The following KALRN variants were observed in gnomAD, a reference collection of about 807,000 sequenced individuals.
KALRN encodes the protein kalirin RhoGEF kinase.
KALRN carries 70 observed loss-of-function variants against 353.7 expected under a neutral mutation model. The ratio of observed to expected loss-of-function variants is 0.20; its 90% confidence interval spans 0.16 to 0.24. KALRN has a LOEUF of 0.24. Among genes scored for constraint, KALRN ranks in the 10% least tolerant of loss-of-function variants. KALRN has a pLI of 1.00. For synonymous variants in KALRN, 1,391 were observed against 1,434.8 expected (o/e 0.97, Z 0.69); for missense variants, 2,791 against 3,756.7 (o/e 0.74, Z 6.72).
intron 5 of KALRN, among the ~76,000 whole-genome samples, chr3:124,282,124 G>A (rs1462866237): frequency 1.3e-5 from 2 of 152,124 alleles, no homozygotes; most frequent in African/African-American, 4.8e-5. Context: ...GACACTCAAG[G>A]GAAGAAAATG....
At chr3:124,585,572 C>T (rs2075089467) in intron 34 of KALRN, among the ~76,000 whole-genome samples, 1 of 152,046 alleles carries the variant, frequency 6.6e-6, no homozygotes, top group African/African-American at 2.4e-5. Flanking sequence ...AACCAATTTC[C>T]CCCAAAGCAG....
At chr3:124,281,296 T>C (rs1429821023) in intron 5 of KALRN, among the ~76,000 whole-genome samples, 1 of 152,240 alleles carries the variant, frequency 6.6e-6, no homozygotes, top group African/African-American at 2.4e-5. Context: ...ATATGCGTTC[T>C]GGTGGAGAGA....
chr3:124,630,460 G>C (rs562145602), intron 34 of KALRN, among the ~76,000 whole-genome samples: 5 of 152,052 alleles, frequency 3.3e-5, no homozygotes, highest in Non-Finnish European at 7.4e-5. Flanking sequence ...GCAGTGGTGC[G>C]ATCTTGGCTC....
intron 19 of KALRN, 43 bp from the exon 20 acceptor site, chr3:124,446,118 C>A: frequency 1.4e-6 from 2 of 1,413,436 alleles, no homozygotes; most frequent in Non-Finnish European, 2.0e-6. Flanking sequence ...GTTGGATTTG[C>A]TCAGAGCCCC....
At chr3:124,230,687 G>A (rs1017225344) in intron 2 of KALRN, among the ~76,000 whole-genome samples, 1 of 152,168 alleles carries the variant, frequency 6.6e-6, no homozygotes, top group African/African-American at 2.4e-5. Context: ...ACAGCCTGGG[G>A]TAAGCCTTAT....
intron 9 of KALRN, among the ~76,000 whole-genome samples, chr3:124,342,233 T>C (rs1025957): frequency 0.32 from 49,033 of 151,936 alleles, 8,097 homozygotes; most frequent in Middle Eastern, 0.35. Context: ...GATTGCGTAG[T>C]GGTAAAGTCA....
At chr3:124,264,245 C>A (rs1036562069) in intron 3 of KALRN, among the ~76,000 whole-genome samples, 1 of 152,092 alleles carries the variant, frequency 6.6e-6, no homozygotes, top group Non-Finnish European at 1.5e-5. Context: ...GATACTCAAC[C>A]TGCGTAAGAA....
At position 124,642,806 on chromosome 3, in the gene KALRN, G is replaced by GTTGTTTTTTTTTTTTTTTTTTTTTT. The variant is rs796628603; in HGVS notation, c.5664+5505_5664+5506insGTTTTTTTTTTTTTTTTTTTTTTTT. 8.1e-4 allele frequency among the ~76,000 whole-genome samples: 78 copies of GTTGTTTTTTTTTTTTTTTTTTTTTT among 96,816 alleles called. 12 individuals carry two copies. In the East Asian group the frequency reaches 0.013, roughly 16 times the overall value. The allele number at this position is 96,816 out of a possible 152,430, so 63.5% of individuals were successfully genotyped here. Reference sequence around the variant, plus strand: ...TCTGTGGAAGAGATTCCCAAGCCTCGTTTTTTTTTTTTTTTTTTTTGAGAC... The same window carrying GTTGTTTTTTTTTTTTTTTTTTTTTT: ...TCTGTGGAAGAGATTCCCAAGCCTCGTTGTTTTTTTTTTTTTTTTTTTTTTTTTTTTTTTTTTTTTTTTTTGAGAC... On this transcript the variant is annotated intron_variant, in intron 37 of 59. Coordinates refer to ENST00000682506, the MANE Select transcript of KALRN (RefSeq NM_001388419.1).
At chr3:124,543,651 C>A (rs2069306253) in intron 33 of KALRN, among the ~76,000 whole-genome samples, 1 of 151,174 alleles carries the variant, frequency 6.6e-6, no homozygotes, top group African/African-American at 2.4e-5. Flanking sequence ...GTGGCATTTT[C>A]TTTATAAATG....
intron 5 of KALRN, among the ~76,000 whole-genome samples, chr3:124,274,488 C>T (rs774838558): frequency 8.1e-4 from 123 of 152,282 alleles, no homozygotes; most frequent in Non-Finnish European, 1.6e-3. Context: ...CCCAGGAGGC[C>T]CATTTTTTAG....
chr3:124,572,117 G>T (rs1298911925), intron 34 of KALRN, among the ~76,000 whole-genome samples: 1 of 151,184 alleles, frequency 6.6e-6, no homozygotes, highest in East Asian at 2.0e-4. Flanking sequence ...GAGCTCAGGA[G>T]TTCTAGACCA....
rs1279955102 is a variant in KALRN, at chr3:124,441,986, G to A, written c.3240G>A (p.Lys1080=). The change falls in exon 19 of 60, where the codon AAG becomes AAA. Residue 1080 remains lysine, a synonymous_variant. Coordinates refer to ENST00000682506, the MANE Select transcript of KALRN (RefSeq NM_001388419.1). ...GGCGGAATGCTGAGGTGTTTCTCAA[G>A]TACATCCACAGGAACAACGTCAGCA... ...LARRNAEVFL[K]YIHRNNVSMP... 1 of 1,606,738 alleles carries A rather than the reference G, an allele frequency of 6.2e-7. No individual in the cohort carries two copies. The highest frequency in any genetic ancestry group is 8.5e-7 in the Non-Finnish European group (1 of 1,174,446).
intron 3 of KALRN, among the ~76,000 whole-genome samples, chr3:124,258,349 A>G (rs2072336420): frequency 1.3e-5 from 2 of 152,166 alleles, no homozygotes; most frequent in Admixed American, 1.3e-4. Flanking sequence ...GCTAAGTACA[A>G]TAGTTCTGCT....
chr3:124,111,288 CTTCATGCATATATTTTA>C (rs2062947935), intron 1 of KALRN, among the ~76,000 whole-genome samples: 1 of 152,138 alleles, frequency 6.6e-6, no homozygotes, highest in African/African-American at 2.4e-5. Flanking sequence ...GAGCCTGTTT[CTTCATGCATATATTTTA>C]AAGCAAGAAA....
chr3:124,680,240 G>A (rs775417594), intron 51 of KALRN, among the ~76,000 whole-genome samples: 15 of 152,214 alleles, frequency 9.9e-5, no homozygotes, highest in Non-Finnish European at 2.2e-4. Flanking sequence ...GACATTTCTC[G>A]CACCCCAGGC....
At chr3:124,169,256 A>G (rs771071923) in intron 1 of KALRN, among the ~76,000 whole-genome samples, 3 of 152,074 alleles carry the variant, frequency 2.0e-5, no homozygotes, top group Non-Finnish European at 4.4e-5. Context: ...TGGAGTGACT[A>G]TGGAGAGTCC....
intron 1 of KALRN, among the ~76,000 whole-genome samples, chr3:124,076,354 T>C (rs2060258281): frequency 1.3e-5 from 2 of 152,106 alleles, no homozygotes; most frequent in Admixed American, 6.5e-5. Flanking sequence ...GTTGTTAAGC[T>C]AATTGTTAAA....
At chr3:124,601,844 A>G (rs1028707874) in intron 34 of KALRN, among the ~76,000 whole-genome samples, 1 of 146,474 alleles carries the variant, frequency 6.8e-6, no homozygotes, top group Non-Finnish European at 1.5e-5. Flanking sequence ...AGCCTAGGCA[A>G]CATGGCGAAA....
At chr3:124,552,672 G>A (rs1464831508) in intron 33 of KALRN, among the ~76,000 whole-genome samples, 4 of 152,156 alleles carry the variant, frequency 2.6e-5, no homozygotes, top group Non-Finnish European at 4.4e-5. Context: ...TCTTTGAACC[G>A]TGGGTTTGGG....
Sources: allele counts gnomAD v4.1 joint callset (sites outside exome capture counted in the v4.1 genomes callset), GRCh38; gene constraint gnomAD v4.1.1; transcripts MANE v1.5; gene names NCBI Gene and HGNC (gene_info 2026-07-23, HGNC 2026-07-21).